PHLPP1: variants seen among roughly 807,000 people sequenced by gnomAD.
PHLPP1 encodes the protein PH domain leucine-rich repeat-containing protein phosphatase 1.
Under a neutral mutation model 117.2 loss-of-function variants are expected in PHLPP1, and 42 were observed. The ratio of observed to expected loss-of-function variants is 0.36; its 90% CI spans 0.28 to 0.46. The LOEUF (loss-of-function observed/expected upper bound fraction) is 0.46. PHLPP1 is among the 20% of genes least tolerant of loss of function. The pLI, the probability that PHLPP1 is intolerant of heterozygous loss-of-function variation, is 1.00. For missense variants in PHLPP1, 2,084 were observed against 2,241.9 expected, an observed-to-expected ratio of 0.93 and a Z score of 1.42; for synonymous variants, 1,042 against 970.7, an observed-to-expected ratio of 1.07 and a Z score of -1.37.
chr18:62,904,013 A>G (rs1916788552), intron 7 of PHLPP1, among the ~76,000 whole-genome samples: 1 of 152,200 alleles, frequency 6.6e-6, no homozygotes, highest in African/African-American at 2.4e-5. Context: ...TGCAAGTTGA[A>G]CATATGTTTA....
chr18:62,868,010 C>T (rs1292986900), intron 4 of PHLPP1, among the ~76,000 whole-genome samples: 1 of 152,104 alleles, frequency 6.6e-6, no homozygotes, highest in Non-Finnish European at 1.5e-5. Context: ...CAAGGTTTCA[C>T]TGTTTTAGCC....
chr18:62,797,395 A>G (rs1251503924), intron 1 of PHLPP1, among the ~76,000 whole-genome samples: 8 of 152,212 alleles, frequency 5.3e-5, no homozygotes, highest in African/African-American at 1.9e-4. Flanking sequence ...GTGTCCCCAT[A>G]AAGCTTATAT....
chr18:62,925,287 C>T (rs1187727582), intron 10 of PHLPP1, among the ~76,000 whole-genome samples: 1 of 152,152 alleles, frequency 6.6e-6, no homozygotes, highest in Non-Finnish European at 1.5e-5. Flanking sequence ...CTATTAAAGT[C>T]AGCCTAATTA....
At chr18:62,760,403 T>C (rs542273480) in intron 1 of PHLPP1, among the ~76,000 whole-genome samples, 1 of 152,310 alleles carries the variant, frequency 6.6e-6, no homozygotes, top group East Asian at 1.9e-4. Flanking sequence ...CACAGATGGG[T>C]TCCTATTTTT....
intron 1 of PHLPP1, among the ~76,000 whole-genome samples, chr18:62,731,489 C>T (rs1342932958): frequency 6.6e-6 from 1 of 152,254 alleles, no homozygotes; most frequent in African/African-American, 2.4e-5. Flanking sequence ...GGCTATTCCC[C>T]CATCTTTTTC....
At chr18:62,776,433 A>G (rs1912957702) in intron 1 of PHLPP1, among the ~76,000 whole-genome samples, 1 of 152,194 alleles carries the variant, frequency 6.6e-6, no homozygotes, top group Non-Finnish European at 1.5e-5. Context: ...AACTGAGTGT[A>G]GTTAATCACA....
At chr18:62,792,349 G>A (rs1913485275) in intron 1 of PHLPP1, among the ~76,000 whole-genome samples, 1 of 152,192 alleles carries the variant, frequency 6.6e-6, no homozygotes, top group South Asian at 2.1e-4. Context: ...GCACTGGTGT[G>A]AAACAGTAGA....
At chr18:62,843,621 T>A (rs1237245743) in intron 3 of PHLPP1, among the ~76,000 whole-genome samples, 1 of 152,188 alleles carries the variant, frequency 6.6e-6, no homozygotes, top group Admixed American at 6.5e-5. Context: ...GTGGGAGAGC[T>A]CTTTTGGGAG....
intron 8 of PHLPP1, among the ~76,000 whole-genome samples, chr18:62,907,272 G>A (rs1408895370): frequency 1.6e-4 from 5 of 32,110 alleles, no homozygotes; most frequent in Admixed American, 3.4e-4. Flanking sequence ...AAGGAACGCA[G>A]TTCCTCACCA....
intron 12 of PHLPP1, among the ~76,000 whole-genome samples, chr18:62,948,771 A>T (rs1283041570): frequency 2.6e-5 from 4 of 152,110 alleles, no homozygotes; most frequent in Non-Finnish European, 4.4e-5. Context: ...ATCCCTGGAC[A>T]GATAGTATTC....
At chr18:62,763,140 A>G (rs549752529) in intron 1 of PHLPP1, among the ~76,000 whole-genome samples, 4 of 152,342 alleles carry the variant, frequency 2.6e-5, no homozygotes, top group African/African-American at 9.6e-5. Context: ...GTTCTCTAGC[A>G]ATCACTTCTC....
chr18:62,799,897 A>G (rs2075448929), intron 1 of PHLPP1, among the ~76,000 whole-genome samples: 1 of 152,258 alleles, frequency 6.6e-6, no homozygotes, highest in Admixed American at 6.5e-5. Flanking sequence ...GAAATAGCAC[A>G]CTTAAATCAG....
intron 1 of PHLPP1, among the ~76,000 whole-genome samples, chr18:62,727,493 T>G (rs1911109874): frequency 6.6e-6 from 1 of 151,536 alleles, no homozygotes; most frequent in East Asian, 1.9e-4. Context: ...AGCATGCTTG[T>G]AGTCCTAGCT....
At chr18:62,938,801 G>A (rs943100911) in intron 10 of PHLPP1, among the ~76,000 whole-genome samples, 6 of 152,144 alleles carry the variant, frequency 3.9e-5, no homozygotes, top group African/African-American at 7.2e-5. Context: ...GATGCCATGA[G>A]GGGTTTTTTA....
rs1409138759 is a variant in PHLPP1, at chr18:62,738,131, G to GA, written c.1576+20882dup. On this transcript the variant is annotated intron_variant, in intron 1 of 16. Transcript: ENST00000262719. ...CCAACCACAGACCGAAAATATTCAG[G>GA]AAAAAAAAAACAGTAAAAAATAATA... Among the ~76,000 whole-genome samples, 265 of 145,710 alleles carry GA rather than the reference G, an allele frequency of 1.8e-3. 1 individual carries two copies. The highest frequency in any genetic ancestry group is 0.01 in the East Asian group (51 of 5,024).
chr18:62,979,574 G>A lies in PHLPP1; in HGVS notation c.*143G>A, dbSNP rs909214958. 7 of 885,486 alleles carry A rather than the reference G, an allele frequency of 7.9e-6. No homozygotes were observed. Among genetic ancestry groups the A allele is most frequent in the Non-Finnish European group, 1.2e-5 (7 of 590,960 alleles). The allele number at this position is 885,486 out of a possible 1,614,324, so 54.9% of individuals were successfully genotyped here. On this transcript the variant is annotated 3_prime_UTR_variant, in exon 17 of 17. Transcript: ENST00000262719. ...ACCTGTCATCGCAGCTAATCTGTAG[G>A]TTCTCTTTCTTTGGGTTATTTTTTT...
chr18:62,905,181 T>G, intron 7 of PHLPP1, 43 bp from the exon 8 acceptor site: 1 of 1,276,490 alleles, frequency 7.8e-7, no homozygotes, highest in East Asian at 2.5e-5. Context: ...TCTATGTCAT[T>G]TGTATAGTAA....
intron 1 of PHLPP1, among the ~76,000 whole-genome samples, chr18:62,744,056 T>A (rs1171299117): frequency 6.6e-6 from 1 of 152,232 alleles, no homozygotes; most frequent in Non-Finnish European, 1.5e-5. Context: ...TGTGTTTTGT[T>A]TGGTAGGCAC....
intron 1 of PHLPP1, among the ~76,000 whole-genome samples, chr18:62,751,875 G>A (rs922567236): frequency 6.6e-6 from 1 of 152,104 alleles, no homozygotes; most frequent in Non-Finnish European, 1.5e-5. Flanking sequence ...AGGGTCTTAA[G>A]TGACTCAGTG....
Sources: allele counts gnomAD v4.1 joint callset (sites outside exome capture counted in the v4.1 genomes callset), GRCh38; gene constraint gnomAD v4.1.1; transcripts MANE v1.5; gene names NCBI Gene and HGNC (gene_info 2026-07-23, HGNC 2026-07-21).